CTNNA2: variants seen among roughly 807,000 people sequenced by gnomAD.
The protein encoded by CTNNA2 is catenin alpha-2.
In CTNNA2, 42 loss-of-function variants were observed where a neutral mutation model predicts 101.0. The observed-to-expected ratio is 0.42, with a 90% CI of 0.32 to 0.54. The LOEUF (loss-of-function observed/expected upper bound fraction) is 0.54, where lower values mean the gene tolerates loss of function less well. Ranked by LOEUF, CTNNA2 falls within the 20% of genes least tolerant of loss-of-function variation. The pLI, the probability that CTNNA2 is intolerant of heterozygous loss-of-function variation, is 0.14. For missense variants in CTNNA2, 871 were observed against 1,223.1 expected, an observed-to-expected ratio of 0.71 and a Z score of 4.29; for synonymous variants, 450 against 456.4, an observed-to-expected ratio of 0.99 and a Z score of 0.18.
At chr2:80,564,962 A>G (rs915246085) in intron 12 of CTNNA2, among the ~76,000 whole-genome samples, 3 of 152,222 alleles carry the variant, frequency 2.0e-5, no homozygotes, top group Non-Finnish European at 4.4e-5. Context: ...TGTAAGGTTT[A>G]TTTCTACATT....
intron 7 of CTNNA2, among the ~76,000 whole-genome samples, chr2:80,287,794 A>G (rs80068460): frequency 0.011 from 1,659 of 152,306 alleles, 41 homozygotes; most frequent in African/African-American, 0.038. Context: ...ACGGCTGACA[A>G]ACATGACAAA....
rs59521287 is a variant in CTNNA2 at position 80,117,455 on chromosome 2, AGTGTGT to A, written c.1056+207685_1056+207690del. On this transcript the variant is annotated intron_variant, in intron 7 of 18. Transcript: ENST00000402739. ...ATTCAGCATAGATGGTTCCTGTGTG[AGTGTGT>A]GTGTGTGTGTGTGTGTGTGTGTGTG... Among the ~76,000 whole-genome samples, 8 of 145,882 alleles carry A rather than the reference AGTGTGT, an allele frequency of 5.5e-5. 1 individual carries two copies. Among genetic ancestry groups the A allele is most frequent in the African/African-American group, 1.3e-4 (5 of 39,140 alleles).
At chr2:79,928,777 G>C (rs1322966735) in intron 7 of CTNNA2, among the ~76,000 whole-genome samples, 2 of 152,050 alleles carry the variant, frequency 1.3e-5, no homozygotes, top group Non-Finnish European at 2.9e-5. Flanking sequence ...AAATCTCACT[G>C]GGAAATGTAC....
At chr2:79,391,871 T>C (rs1678176857) in intron 4 of CTNNA2, among the ~76,000 whole-genome samples, 1 of 152,108 alleles carries the variant, frequency 6.6e-6, no homozygotes, top group African/African-American at 2.4e-5. Context: ...GATCAAGGTG[T>C]CCAAAGGATT....
intron 7 of CTNNA2, among the ~76,000 whole-genome samples, chr2:80,336,194 G>A (rs1671750491): frequency 6.6e-6 from 1 of 152,082 alleles, no homozygotes; most frequent in African/African-American, 2.4e-5. Context: ...TTCAGTGTCT[G>A]GTGAGGGTTC....
At chr2:80,325,731 G>T (rs766037113) in intron 7 of CTNNA2, among the ~76,000 whole-genome samples, 1 of 152,140 alleles carries the variant, frequency 6.6e-6, no homozygotes, top group Non-Finnish European at 1.5e-5. Flanking sequence ...TGAGAATTTA[G>T]CTTGAATATT....
chr2:79,495,669 A>G (rs186680579), intron 4 of CTNNA2, among the ~76,000 whole-genome samples: 4 of 152,328 alleles, frequency 2.6e-5, no homozygotes, highest in Non-Finnish European at 5.9e-5. Flanking sequence ...TCACAGCAGC[A>G]TTATTCATAA....
At chr2:79,666,814 C>T (rs1682451806) in intron 2 of CTNNA2, among the ~76,000 whole-genome samples, 1 of 152,172 alleles carries the variant, frequency 6.6e-6, no homozygotes, top group African/African-American at 2.4e-5. Context: ...TTGTTTTGCT[C>T]ACTTTAGCTT....
chr2:80,222,328 C>A (rs989595246), intron 7 of CTNNA2, among the ~76,000 whole-genome samples: 1 of 138,096 alleles, frequency 7.2e-6, no homozygotes, highest in African/African-American at 3.3e-5. Context: ...CAAATTATAT[C>A]TTTATCTTAT....
At chr2:79,662,585 T>C (rs1243029351) in intron 2 of CTNNA2, among the ~76,000 whole-genome samples, 2 of 152,116 alleles carry the variant, frequency 1.3e-5, no homozygotes, top group African/African-American at 4.8e-5. Context: ...AGCAGGAAAA[T>C]GCCTACGAAG....
chr2:79,706,160 C>T (rs1223127344), intron 2 of CTNNA2, among the ~76,000 whole-genome samples: 1 of 151,744 alleles, frequency 6.6e-6, no homozygotes, highest in Non-Finnish European at 1.5e-5. Flanking sequence ...GTCAGGAGAT[C>T]GAGACCATCC....
chr2:79,777,959 T>C (rs1473016472), intron 3 of CTNNA2, among the ~76,000 whole-genome samples: 1 of 151,108 alleles, frequency 6.6e-6, no homozygotes, highest in Admixed American at 6.6e-5. Context: ...TATGTGAAAT[T>C]CACATAAAAC....
chr2:80,240,178 A>T (rs73938250), intron 7 of CTNNA2, among the ~76,000 whole-genome samples: 18,983 of 152,130 alleles, frequency 0.12, 2,790 homozygotes, highest in African/African-American at 0.36. Flanking sequence ...GTTCATCCCA[A>T]TGGAAGGTAT....
intron 9 of CTNNA2, among the ~76,000 whole-genome samples, chr2:80,455,437 ATTCTTTTTGT>A (rs1683885221): frequency 6.6e-6 from 1 of 152,198 alleles, no homozygotes; most frequent in Non-Finnish European, 1.5e-5. Context: ...ATTTAGCAAG[ATTCTTTTTGT>A]TTCTTTTTTG....
intron 8 of CTNNA2, among the ~76,000 whole-genome samples, chr2:80,408,444 A>G (rs900966196): frequency 6.6e-6 from 1 of 152,188 alleles, no homozygotes; most frequent in Non-Finnish European, 1.5e-5. Context: ...CCATCCATTC[A>G]GTAATTGTCT....
intron 7 of CTNNA2, among the ~76,000 whole-genome samples, chr2:80,014,096 C>T (rs1693970150): frequency 6.6e-6 from 1 of 152,176 alleles, no homozygotes; most frequent in African/African-American, 2.4e-5. Flanking sequence ...TATATATCTA[C>T]AAAATTGCTA....
intron 1 of CTNNA2, among the ~76,000 whole-genome samples, chr2:79,194,884 C>G (rs895392632): frequency 1.3e-5 from 2 of 152,160 alleles, no homozygotes; most frequent in Non-Finnish European, 2.9e-5. Flanking sequence ...TTTTCTTTCA[C>G]TGTTTCTCAG....
intron 1 of CTNNA2, among the ~76,000 whole-genome samples, chr2:79,188,890 A>G (rs1216988942): frequency 6.6e-6 from 1 of 152,178 alleles, no homozygotes; most frequent in East Asian, 1.9e-4. Flanking sequence ...AGCAATACAC[A>G]ATGTTATTTA....
intron 7 of CTNNA2, among the ~76,000 whole-genome samples, chr2:80,075,969 G>A (rs1225954693): frequency 6.6e-6 from 1 of 151,734 alleles, no homozygotes; most frequent in Non-Finnish European, 1.5e-5. Flanking sequence ...GGAGTGCTAG[G>A]TAGTTTAAGG....
Sources: gnomAD v4.1 joint callset for allele counts (sites outside exome capture counted in the v4.1 genomes callset) on GRCh38, gnomAD v4.1.1 for gene constraint, MANE v1.5 for transcripts, NCBI Gene and HGNC (gene_info 2026-07-23, HGNC 2026-07-21) for gene names.